CGNL1: variants seen among roughly 807,000 people sequenced by gnomAD.
CGNL1 encodes cingulin-like protein 1.
Under a neutral mutation model 141.2 loss-of-function variants are expected in CGNL1, and 132 were observed. The observed-to-expected ratio is 0.93, with a 90% CI of 0.81 to 1.08. The LOEUF (loss-of-function observed/expected upper bound fraction) is 1.08. Ranked by LOEUF, CGNL1 falls within the 50% of genes least tolerant of loss-of-function variation. The pLI is 0.00. For missense variants in CGNL1, 1,870 were observed against 1,588.6 expected (o/e 1.18, Z -3.01); for synonymous variants, 690 against 622.1 (o/e 1.11, Z -1.63).
At chr15:57,410,524 C>CAGATGGGAGAGG (rs2062774591) in intron 1 of CGNL1, among the ~76,000 whole-genome samples, 1 of 152,156 alleles carries the variant, frequency 6.6e-6, no homozygotes, top group African/African-American at 2.4e-5. Flanking sequence ...GTTCTGGAAG[C>CAGATGGGAGAGG]TTTCCCATCA....
chr15:57,498,010 C>T (rs1199674218), intron 8 of CGNL1, among the ~76,000 whole-genome samples: 1 of 152,184 alleles, frequency 6.6e-6, no homozygotes, highest in African/African-American at 2.4e-5. Context: ...AGCCCGTCCA[C>T]AGGTACCACA....
intron 10 of CGNL1, among the ~76,000 whole-genome samples, chr15:57,521,685 T>C (rs1168227264): frequency 6.6e-6 from 1 of 152,002 alleles, no homozygotes; most frequent in Non-Finnish European, 1.5e-5. Context: ...GAGTCTGTGG[T>C]GTCTTTTGTG....
intron 12 of CGNL1, among the ~76,000 whole-genome samples, chr15:57,525,843 T>A (rs1468331772): frequency 2.6e-5 from 4 of 151,732 alleles, no homozygotes; most frequent in African/African-American, 9.7e-5. Flanking sequence ...GGACTCCAAG[T>A]AAGCAGTGAA....
intron 8 of CGNL1, among the ~76,000 whole-genome samples, chr15:57,473,521 T>C (rs1191843221): frequency 4.6e-5 from 7 of 152,234 alleles, no homozygotes; most frequent in Admixed American, 6.5e-5. Flanking sequence ...TGCTCCATTA[T>C]AGTCCCTTCC....
At chr15:57,392,868 T>G (rs1395204278) in intron 1 of CGNL1, among the ~76,000 whole-genome samples, 4 of 152,166 alleles carry the variant, frequency 2.6e-5, no homozygotes, top group African/African-American at 4.8e-5. Context: ...TTTGATACCC[T>G]GGACTAATAC....
rs77247791 is a variant in CGNL1, at chr15:57,427,428, C to T, written c.-15-10557C>T. Among the ~76,000 whole-genome samples, 881 of 152,186 alleles carry T rather than the reference C, an allele frequency of 5.8e-3. 8 individuals are homozygous for T. Among genetic ancestry groups the T allele is most frequent in the African/African-American group, 0.02 (824 of 41,518 alleles). On this transcript the variant is annotated intron_variant, in intron 1 of 18. Coordinates refer to ENST00000281282, the MANE Select transcript of CGNL1 (RefSeq NM_032866.5). ...GACCCGTGCAAACAACTGACTCATG[C>T]GTTTATGAGACTGGGTTGGTTTGTG...
At chr15:57,504,150 G>T (rs982614179) in intron 8 of CGNL1, among the ~76,000 whole-genome samples, 27 of 152,156 alleles carry the variant, frequency 1.8e-4, no homozygotes, top group Admixed American at 1.8e-3. Flanking sequence ...AGGGTTAGCA[G>T]AATCACTCCT....
intron 8 of CGNL1, among the ~76,000 whole-genome samples, chr15:57,467,686 C>CTTTTTTTT (rs140789370): frequency 1.9e-5 from 2 of 107,416 alleles, no homozygotes. Context: ...GAGTCTCTGT[C>CTTTTTTTT]TTTTTTTTTT....
At chr15:57,527,618 C>T (rs1454524976) in intron 12 of CGNL1, 1 of 152,270 alleles carries the variant, frequency 6.6e-6, no homozygotes, top group Non-Finnish European at 1.5e-5. Context: ...AAGTTCAAGA[C>T]ACTGACTGGC....
intron 16 of CGNL1, 44 bp from the exon 17 acceptor site, chr15:57,545,548 G>A (rs753267113): frequency 3.4e-5 from 53 of 1,563,860 alleles, no homozygotes; most frequent in Non-Finnish European, 4.4e-5. Flanking sequence ...CCCCCTGCAG[G>A]GATGGGAGTG....
chr15:57,474,973 G>T (rs35423813), intron 8 of CGNL1, among the ~76,000 whole-genome samples: 29,272 of 152,108 alleles, frequency 0.19, 3,065 homozygotes, highest in East Asian at 0.3. Context: ...GGGGGCCCCT[G>T]CCTCTGCCTT....
At chr15:57,436,647 A>C (rs149228009) in intron 1 of CGNL1, among the ~76,000 whole-genome samples, 1 of 152,338 alleles carries the variant, frequency 6.6e-6, no homozygotes, top group African/African-American at 2.4e-5. Flanking sequence ...CGTCCAAGTC[A>C]AGGAGTCAGA....
At position 57,524,703 on chromosome 15, in the gene CGNL1, G is replaced by C. The variant is rs138701617; in HGVS notation, c.2991G>C (p.Thr997=). 1 of 1,614,208 alleles carries C rather than the reference G, an allele frequency of 6.2e-7. No individual in the cohort carries two copies. The highest frequency in any genetic ancestry group is 8.5e-7 in the Non-Finnish European group (1 of 1,180,038). ...AEMQRQLKEK[T]LEAEKSRLTA... ...TGCAAAGACAGTTGAAGGAGAAAAC[G>C]CTGGAGGCAGAAAAGTCCCGACTGA... Residue 997 remains threonine (T), a synonymous_variant, in exon 12 of 19, where the codon ACG becomes ACC. Coordinates refer to ENST00000281282, the MANE Select transcript of CGNL1 (RefSeq NM_032866.5).
intron 1 of CGNL1, among the ~76,000 whole-genome samples, chr15:57,419,764 G>A (rs1292036775): frequency 1.3e-5 from 2 of 152,148 alleles, no homozygotes; most frequent in East Asian, 3.8e-4. Context: ...TGTCTGCCAG[G>A]TTTCTCCACT....
Position 57,544,528 on chromosome 15 carries a change from A to G in CGNL1, c.3431A>G (p.Lys1144Arg). Residue 1144 changes from lysine (K) to arginine (R), a missense_variant, in exon 16 of 19, where the codon AAA (lysine) becomes AGA (arginine). Lys to Arg is a conservative substitution (Grantham distance 26). Coordinates refer to ENST00000281282, the MANE Select transcript of CGNL1 (RefSeq NM_032866.5). The stretch of plus-strand genomic sequence containing the variant: ...CTGGAAGGTTCCTACAGGTCCAGCA[A>G]AGAGGGGCTGGTTGTGCAGATGGAG... Reference protein sequence around the residue: ...IHLEGSYRSSKEGLVVQMEAR... With the variant: ...IHLEGSYRSSREGLVVQMEAR... The G allele has an allele frequency of 6.2e-7, 1 of 1,612,840 alleles. No individual in the cohort carries two copies. The highest frequency in any genetic ancestry group is 1.1e-5 in the South Asian group (1 of 90,638).
chr15:57,521,771 C>T (rs958913679), intron 10 of CGNL1, among the ~76,000 whole-genome samples: 1 of 151,772 alleles, frequency 6.6e-6, no homozygotes, highest in Non-Finnish European at 1.5e-5. Flanking sequence ...CACATGGAGG[C>T]TGAGTAGAGC....
chr15:57,527,188 C>T (rs1353611737), intron 12 of CGNL1: 1 of 152,084 alleles, frequency 6.6e-6, no homozygotes, highest in Non-Finnish European at 1.5e-5. Flanking sequence ...CCACTAAAAC[C>T]AGATGTGGGT....
Position 57,523,646 on chromosome 15 carries a change from G to A in CGNL1, c.2868+5G>A. 1 of 1,613,070 alleles carries A rather than the reference G, an allele frequency of 6.2e-7. No homozygotes were observed. Among genetic ancestry groups the A allele is most frequent in the South Asian group, 1.1e-5 (1 of 91,032 alleles). ...ATTGAGAAACTGCAGAAGGAGGTGA[G>A]GGGCTGGAGGAGGAAAGAGGAAGTA... On this transcript the variant is annotated splice_donor_5th_base_variant and intron_variant, in intron 11 of 18. Coordinates refer to ENST00000281282, the MANE Select transcript of CGNL1 (RefSeq NM_032866.5).
rs757961730 is a variant in CGNL1, at chr15:57,438,873, C to T, written c.874C>T (p.Arg292Trp). 1.8e-5 allele frequency: 29 copies of T among 1,614,034 alleles called. No homozygotes were observed. Among genetic ancestry groups the T allele is most frequent in the Non-Finnish European group, 2.3e-5 (27 of 1,180,044 alleles). Residue 292 changes from arginine (R) to tryptophan (W), a missense_variant, in exon 2 of 19, where the codon CGG becomes TGG. Physicochemically the swap from Arg to Trp is moderately radical, Grantham distance 101. Transcript: ENST00000281282. ...AGCGGGACCCGTCCTGGATGGAGCTCGGTCCCGGAGGTCCTCCTCGTCATC... is the reference window on the plus strand; with the variant it reads ...AGCGGGACCCGTCCTGGATGGAGCTTGGTCCCGGAGGTCCTCCTCGTCATC... ...DSAGPVLDGA[R>W]SRRSSSSSTT... is the part of the protein sequence containing the mutation.
Sources: allele counts gnomAD v4.1 joint callset (sites outside exome capture counted in the v4.1 genomes callset), GRCh38; gene constraint gnomAD v4.1.1; transcripts MANE v1.5; gene names NCBI Gene and HGNC (gene_info 2026-07-23, HGNC 2026-07-21).